The following SREK1 variants were observed in gnomAD, a reference collection of about 807,000 sequenced individuals.
The protein encoded by SREK1 is splicing regulatory glutamic acid and lysine rich protein 1.
Under a neutral mutation model 66.5 loss-of-function variants are expected in SREK1, and 13 were observed. The observed-to-expected ratio is 0.20, with a 90% confidence interval of 0.13 to 0.31. The LOEUF (loss-of-function observed/expected upper bound fraction) is 0.31, where lower values mean the gene tolerates loss of function less well. Among genes scored for constraint, SREK1 ranks in the 10% least tolerant of loss-of-function variants. SREK1 has a pLI of 1.00. For synonymous variants in SREK1, 265 were observed against 263.5 expected (o/e 1.01, Z -0.05); for missense variants, 607 against 769.6 (o/e 0.79, Z 2.50).
rs755617933 is a variant in SREK1 at position 66,162,603 on chromosome 5, C to G, written c.755+11C>G. 1.4e-5 allele frequency: 22 copies of G among 1,562,168 alleles called. No homozygotes were observed. Among genetic ancestry groups the G allele is most frequent in the Non-Finnish European group, 1.6e-5 (19 of 1,153,412 alleles). On this transcript the variant is annotated intron_variant, in intron 5 of 11. Coordinates refer to ENST00000334121, the MANE Select transcript of SREK1 (RefSeq NM_001077199.3). ...AGACAGGCCACTGAAGTAAGAAATC[C>G]TAAACAAAGAAATTTTAATGATTTT... is the stretch of plus-strand genomic sequence containing the variant.
chr5:66,156,657 A>G (rs1340501630), intron 2 of SREK1: 5 of 985,276 alleles, frequency 5.1e-6, no homozygotes, highest in Non-Finnish European at 6.0e-6. Flanking sequence ...AATTTTAGGC[A>G]TACAAAATCA....
intron 1 of SREK1, among the ~76,000 whole-genome samples, chr5:66,149,859 G>A (rs867698198): frequency 2.6e-5 from 4 of 152,186 alleles, no homozygotes; most frequent in Non-Finnish European, 4.4e-5. Context: ...ATTTCACTGC[G>A]TTGAAAAATA....
intron 1 of SREK1, among the ~76,000 whole-genome samples, chr5:66,149,265 G>T (rs574414800): frequency 6.6e-6 from 1 of 151,992 alleles, no homozygotes; most frequent in South Asian, 2.1e-4. Context: ...CAGGAGAATC[G>T]CATGAACCCG....
chr5:66,145,746 T>C (rs1447503286), intron 1 of SREK1, among the ~76,000 whole-genome samples: 1 of 149,912 alleles, frequency 6.7e-6, no homozygotes, highest in East Asian at 1.9e-4. Context: ...TCCCCAGTTA[T>C]TTTAATAATG....
chr5:66,165,774 T>C (rs1276769207), intron 7 of SREK1: 1 of 152,078 alleles, frequency 6.6e-6, no homozygotes, highest in Non-Finnish European at 1.5e-5. Context: ...GAAGAGTGTA[T>C]CTGTGTATGT....
Position 66,153,184 on chromosome 5 carries a change from C to CT in SREK1, c.162-272dup, listed in dbSNP as rs1446723955. Among the ~76,000 whole-genome samples the CT allele has an allele frequency of 4.6e-5, 7 of 151,908 alleles. No individual in the cohort carries two copies. In the South Asian group the frequency reaches 6.2e-4, roughly 14 times the overall value. On this transcript the variant is annotated intron_variant, in intron 1 of 11. Coordinates refer to ENST00000334121, the MANE Select transcript of SREK1 (RefSeq NM_001077199.3). ...TGAGTTAATTTTTGGGTTAAATTAG[C>CT]TTTTTTTACATTCACTCGGATTAAG...
At chr5:66,164,762 A>G (rs746454941) in intron 6 of SREK1, 21 bp from the exon 7 acceptor site, 1 of 1,613,900 alleles carries the variant, frequency 6.2e-7, no homozygotes, top group East Asian at 2.2e-5. Context: ...CTTACACTGC[A>G]AAGTGATTTT....
At chr5:66,176,142 A>G (rs1484001694) in intron 10 of SREK1, among the ~76,000 whole-genome samples, 1 of 152,090 alleles carries the variant, frequency 6.6e-6, no homozygotes, top group African/African-American at 2.4e-5. Context: ...TTATTTTACA[A>G]ATGCTTCCGT....
At chr5:66,168,139 A>G (rs560335110) in intron 7 of SREK1, 4 of 151,092 alleles carry the variant, frequency 2.6e-5, no homozygotes, top group African/African-American at 9.8e-5. Context: ...AAAAAAAAAT[A>G]TGGAATGAAG....
At position 66,178,972 on chromosome 5, in the gene SREK1, T is replaced by C. The variant is rs910744630; in HGVS notation, c.*104T>C. 1.6e-6 allele frequency: 2 copies of C among 1,289,278 alleles called. No homozygotes were observed. Among genetic ancestry groups the C allele is most frequent in the Admixed American group, 2.7e-5 (1 of 37,050 alleles). The allele number at this position is 1,289,278 out of a possible 1,614,324, so 79.9% of individuals were successfully genotyped here. On this transcript the variant is annotated 3_prime_UTR_variant, in exon 12 of 12. Coordinates refer to ENST00000334121, the MANE Select transcript of SREK1 (RefSeq NM_001077199.3). ...AAAGAAATCTAGTTGAGCATGAAGA[T>C]AGGATCTAACAGCTTTTCCAGTTGT...
chr5:66,158,698 TTTG>T, intron 2 of SREK1: 1 of 972,354 alleles, frequency 1.0e-6, no homozygotes, highest in Non-Finnish European at 1.4e-6. Context: ...TTCGCACATA[TTTG>T]TTTTTTCTTT....
At position 66,162,530 on chromosome 5, in the gene SREK1, C is replaced by T. The variant is rs1318334443; in HGVS notation, c.693C>T (p.Asp231=). The change falls in exon 5 of 12, where the codon GAC becomes GAT. Residue 231 remains aspartate (D), a synonymous_variant. Transcript: ENST00000334121. ...GGTTTGCTTTTGTGGAATTTGCAGA[C>T]CAAAATTCTGTACCAAGGGCCCTTG... ...PTRFAFVEFA[D]QNSVPRALAF... 5.6e-6 allele frequency: 9 copies of T among 1,614,022 alleles called. No individual in the cohort carries two copies. Among genetic ancestry groups the T allele is most frequent in the African/African-American group, 1.3e-5 (1 of 75,020 alleles).
Position 66,177,671 on chromosome 5 carries a change from C to A in SREK1, c.1725+13C>A. ...TACTTCACTTAAAGTAAGCAGCAGT[C>A]ATTCGGTGTCTGGCACTTGAAATGG... On this transcript the variant is annotated intron_variant, in intron 11 of 11. Transcript: ENST00000334121. 1 of 1,578,668 alleles carries A rather than the reference C, an allele frequency of 6.3e-7. No homozygotes were observed. Among genetic ancestry groups the A allele is most frequent in the South Asian group, 1.2e-5 (1 of 84,550 alleles).
intron 9 of SREK1, among the ~76,000 whole-genome samples, chr5:66,174,096 C>T (rs1745866795): frequency 6.7e-6 from 1 of 148,836 alleles, no homozygotes; most frequent in Non-Finnish European, 1.5e-5. Flanking sequence ...GGTTTTTTAG[C>T]TATGTGGTCA....
In SREK1 at chr5:66,181,904, G is replaced by C. The variant is rs896932868; in HGVS notation, c.*3036G>C. 10 of 137,032 alleles carry C rather than the reference G, an allele frequency of 7.3e-5. 1 individual carries two copies. The highest frequency in any genetic ancestry group is 1.1e-4 in the Non-Finnish European group (7 of 62,598). 8.5% of individuals were successfully genotyped at this position (137,032 alleles called of 1,614,324 possible). On this transcript the variant is annotated 3_prime_UTR_variant, in exon 12 of 12. Coordinates refer to ENST00000334121, the MANE Select transcript of SREK1 (RefSeq NM_001077199.3). ...ATAATGAAAAGGTTTTTTTGTCGGG[G>C]GGGGGGGGGTCAAGAGAATTTATTT... is the stretch of plus-strand genomic sequence containing the variant.
intron 2 of SREK1, chr5:66,153,814 T>G (rs1744054407): frequency 2.0e-6 from 1 of 509,812 alleles, no homozygotes; most frequent in Non-Finnish European, 3.3e-6. Context: ...ATTCATTGGC[T>G]TCTGGTTTGC....
chr5:66,176,728 TTTTG>T (rs1245024526), intron 10 of SREK1, among the ~76,000 whole-genome samples: 1 of 152,090 alleles, frequency 6.6e-6, no homozygotes, highest in Non-Finnish European at 1.5e-5. Context: ...TCCTAGAAAT[TTTTG>T]TTGTTGTTGC....
intron 1 of SREK1, among the ~76,000 whole-genome samples, chr5:66,148,831 T>TC (rs200156806): frequency 6.8e-6 from 1 of 147,030 alleles, no homozygotes; most frequent in Non-Finnish European, 1.5e-5. Context: ...TGTTTTTTTT[T>TC]CCCCCAAGGT....
intron 9 of SREK1, 134 bp from the exon 10 acceptor site, chr5:66,174,812 A>G (rs1745920522): frequency 7.4e-6 from 5 of 679,248 alleles, no homozygotes; most frequent in Non-Finnish European, 1.2e-5. Context: ...ATGCTCATAA[A>G]GGACATAAGT....
Sources: gnomAD v4.1 joint callset for allele counts (sites outside exome capture counted in the v4.1 genomes callset) on GRCh38, gnomAD v4.1.1 for gene constraint, MANE v1.5 for transcripts, NCBI Gene and HGNC (gene_info 2026-07-23, HGNC 2026-07-21) for gene names.